SPTBN4: variants seen among roughly 807,000 people sequenced by gnomAD.
SPTBN4 encodes spectrin beta, non-erythrocytic 4.
In SPTBN4, 96 loss-of-function variants were observed where a neutral mutation model predicts 277.8. That is an observed-to-expected ratio of 0.35 (90% CI 0.29 to 0.41). The LOEUF is 0.41. Ranked by LOEUF, SPTBN4 falls within the 10% of genes least tolerant of loss-of-function variation. The pLI is 1.00. For synonymous variants in SPTBN4, 1,481 were observed against 1,580.3 expected, an observed-to-expected ratio of 0.94 and a Z score of 1.49; for missense variants, 3,006 against 3,595.7, an observed-to-expected ratio of 0.84 and a Z score of 4.19.
intron 17 of SPTBN4, among the ~76,000 whole-genome samples, chr19:40,524,068 C>T (rs546250885): frequency 2.0e-5 from 3 of 152,176 alleles, no homozygotes; most frequent in Admixed American, 6.5e-5. Flanking sequence ...CTGTGATTAG[C>T]GGCATGAGCC....
At position 40,494,927 on chromosome 19, in the gene SPTBN4, C is replaced by T; in HGVS notation, c.618C>T (p.Thr206=). Residue 206 remains threonine, a synonymous_variant, in exon 6 of 36, where the codon ACC becomes ACT. Coordinates refer to ENST00000598249, the MANE Select transcript of SPTBN4 (RefSeq NM_020971.3). The part of the protein sequence containing the change: ...GYPEVNIQNF[T]TSWRDGLAFN... ...CTGAGGTAAACATCCAGAATTTCAC[C>T]ACCAGCTGGCGGGATGGCTTGGCCT... 1 of 1,614,142 alleles carries T rather than the reference C, an allele frequency of 6.2e-7. No individual in the cohort carries two copies. The highest frequency in any genetic ancestry group is 8.5e-7 in the Non-Finnish European group (1 of 1,180,004).
At chr19:40,469,854 G>C (rs1253437482) in intron 1 of SPTBN4, among the ~76,000 whole-genome samples, 1 of 151,814 alleles carries the variant, frequency 6.6e-6, no homozygotes, top group Non-Finnish European at 1.5e-5. Context: ...ATGTTGGCCA[G>C]GCTGGTCTGG....
intron 1 of SPTBN4, among the ~76,000 whole-genome samples, chr19:40,469,567 GTCTT>G (rs2079862186): frequency 6.6e-6 from 1 of 151,336 alleles, no homozygotes; most frequent in Non-Finnish European, 1.5e-5. Flanking sequence ...CCAGCCGTTA[GTCTT>G]AGAATCAGGC....
chr19:40,485,010 T>G (rs2080055950), intron 2 of SPTBN4, among the ~76,000 whole-genome samples: 1 of 151,892 alleles, frequency 6.6e-6, no homozygotes, highest in Non-Finnish European at 1.5e-5. Context: ...TGCCCGCTAA[T>G]TTTTGTTTTT....
intron 15 of SPTBN4, among the ~76,000 whole-genome samples, chr19:40,516,034 CAT>C (rs1163740036): frequency 7.0e-6 from 1 of 142,270 alleles, no homozygotes; most frequent in Non-Finnish European, 1.5e-5. Flanking sequence ...TATATATACA[CAT>C]ATATATGTAT....
intron 17 of SPTBN4, chr19:40,524,634 G>T (rs1193743981): frequency 4.4e-6 from 2 of 455,844 alleles, no homozygotes; most frequent in Non-Finnish European, 8.8e-6. Flanking sequence ...GCACAGGTGT[G>T]TTCCAGCTTT....
rs2080451299 is a variant in SPTBN4 at position 40,515,940 on chromosome 19, T to TATACAC, written c.2903+493_2903+494insTACACA. ...ACACACATATATATACACACATATA[T>TATACAC]ACGTATATATACACATATATACGTA... On this transcript the variant is annotated intron_variant, in intron 15 of 35. Coordinates refer to ENST00000598249, the MANE Select transcript of SPTBN4 (RefSeq NM_020971.3). The surrounding 1 kb of genome is among the most constrained non-coding windows in gnomAD (Gnocchi z 4.1). Among the ~76,000 whole-genome samples, 2 of 72,900 alleles carry TATACAC rather than the reference T, an allele frequency of 2.7e-5. No individual in the cohort carries two copies. The highest frequency in any genetic ancestry group is 6.1e-5 in the Non-Finnish European group (2 of 32,698). The allele number at this position is 72,900 out of a possible 152,430, so 47.8% of individuals were successfully genotyped here.
intron 35 of SPTBN4, among the ~76,000 whole-genome samples, chr19:40,573,897 C>G (rs1001506583): frequency 6.6e-6 from 1 of 151,948 alleles, no homozygotes; most frequent in African/African-American, 2.4e-5. Context: ...GTCAGGAGAT[C>G]GAGACCATCC....
In SPTBN4 at chr19:40,534,267, A is replaced by C. The variant is rs1328479363; in HGVS notation, c.4283A>C (p.His1428Pro). Residue 1428 changes from histidine to proline, a missense_variant, in exon 20 of 36, where the codon CAC (histidine) becomes CCC (proline). Transcript: ENST00000598249. ...GCTGAGCTGGACAAGAAGCTCCTTC[A>C]CATGGAGAGCCAGCTGCAAGACGTG... ...SFAELDKKLLHMESQLQDVDP... is the reference protein window; with the variant it reads ...SFAELDKKLLPMESQLQDVDP... 6.2e-7 allele frequency: 1 copy of C among 1,614,160 alleles called. No homozygotes were observed. The highest frequency in any genetic ancestry group is 1.7e-5 in the Admixed American group (1 of 60,026).
chr19:40,565,081 A>G lies in SPTBN4; in HGVS notation c.5916-342A>G, dbSNP rs923352276. Among the ~76,000 whole-genome samples the G allele has an allele frequency of 1.1e-4, 16 of 151,682 alleles. No individual in the cohort carries two copies. In the South Asian group the frequency reaches 3.1e-3, roughly 30 times the overall value. ...GGAGTTCAAGACCAGCCTGGCCAAC[A>G]TGGAGAAACCCCATCTCTACTAAAA... On this transcript the variant is annotated intron_variant, in intron 27 of 35. Transcript: ENST00000598249.
intron 2 of SPTBN4, among the ~76,000 whole-genome samples, chr19:40,480,787 G>A (rs118168811): frequency 0.05 from 7,554 of 152,232 alleles, 238 homozygotes; most frequent in South Asian, 0.15. Context: ...GTTGGGCCAG[G>A]TGTGGTGGCT....
intron 27 of SPTBN4, among the ~76,000 whole-genome samples, chr19:40,562,015 G>C (rs753203669): frequency 4.6e-5 from 7 of 152,036 alleles, no homozygotes; most frequent in Admixed American, 6.6e-5. Flanking sequence ...CAAGTGCAAG[G>C]GCCCAGAAGT....
Position 40,504,003 on chromosome 19 carries a change from C to T in SPTBN4, c.1536C>T (p.Ser512=), listed in dbSNP as rs368272656. Residue 512 remains serine, a synonymous_variant, in exon 12 of 36, where the codon AGC becomes AGT. Coordinates refer to ENST00000598249, the MANE Select transcript of SPTBN4 (RefSeq NM_020971.3). ...DIRRVAAQRD[S]VLRQWALLTG... is the part of the protein sequence containing the mutation. The stretch of plus-strand genomic sequence containing the variant: ...GGCGGGTGGCAGCCCAGCGTGACAG[C>T]GTCCTGCGCCAGTGGGCCCTGCTAA... 9 of 1,613,856 alleles carry T rather than the reference C, an allele frequency of 5.6e-6. No individual in the cohort carries two copies. The highest frequency in any genetic ancestry group is 3.3e-5 in the Admixed American group (2 of 59,998).
At chr19:40,524,523 T>A (rs769774247) in intron 17 of SPTBN4, 3 of 445,850 alleles carry the variant, frequency 6.7e-6, no homozygotes, top group Admixed American at 4.9e-5. Flanking sequence ...AAAAAAAAAA[T>A]GTGTTAACTT....
chr19:40,525,834 C>A (rs192354932), intron 17 of SPTBN4, among the ~76,000 whole-genome samples: 6 of 152,272 alleles, frequency 3.9e-5, no homozygotes, highest in Admixed American at 2.6e-4. Flanking sequence ...GACGTGCAGC[C>A]GCTGTGGGAG....
At chr19:40,542,749 T>A (rs1599786215) in intron 20 of SPTBN4, among the ~76,000 whole-genome samples, 1 of 152,022 alleles carries the variant, frequency 6.6e-6, no homozygotes, top group East Asian at 1.9e-4. Context: ...GTCCCAGTCC[T>A]TGCCTTATTG....
In SPTBN4 at chr19:40,513,533, A is replaced by G. The variant is rs569924772; in HGVS notation, c.2744A>G (p.Asp915Gly). 2 of 1,584,860 alleles carry G rather than the reference A, an allele frequency of 1.3e-6. No homozygotes were observed. The highest frequency in any genetic ancestry group is 2.7e-5 in the African/African-American group (2 of 74,554). ...ATGCGTGTGCCGGATTCACTCGACGACGTCGAGGTGGTGCAGCACCGGTGA... is the reference window on the plus strand; with the variant it reads ...ATGCGTGTGCCGGATTCACTCGACGGCGTCGAGGTGGTGCAGCACCGGTGA... Reference protein sequence around the residue: ...LSMRVPDSLDDVEVVQHRFES... With the variant: ...LSMRVPDSLDGVEVVQHRFES... Residue 915 changes from aspartate to glycine, a missense_variant, in exon 14 of 36, where the codon GAC becomes GGC. Coordinates refer to ENST00000598249, the MANE Select transcript of SPTBN4 (RefSeq NM_020971.3).
chr19:40,561,989 T>TA (rs1415671845), intron 27 of SPTBN4, among the ~76,000 whole-genome samples: 1 of 152,094 alleles, frequency 6.6e-6, no homozygotes, highest in African/African-American at 2.4e-5. Context: ...AAGAGTTTTC[T>TA]AGGTGGAGGG....
At position 40,554,816 on chromosome 19, in the gene SPTBN4, C is replaced by A; in HGVS notation, c.5084+170C>A. ...GGCGGGCCGGAATGGGGGGACACGG[C>A]TCAGGGATGGTTGAGAGGGTGGGGC... On this transcript the variant is annotated intron_variant, in intron 24 of 35. Coordinates refer to ENST00000598249, the MANE Select transcript of SPTBN4 (RefSeq NM_020971.3). The surrounding 1 kb of genome is among the most constrained non-coding windows in gnomAD (Gnocchi z 5.7). 9.9e-7 allele frequency: 1 copy of A among 1,007,680 alleles called. No individual in the cohort carries two copies. The highest frequency in any genetic ancestry group is 1.5e-6 in the Non-Finnish European group (1 of 686,808). The allele number at this position is 1,007,680 out of a possible 1,614,324, so 62.4% of individuals were successfully genotyped here.
Sources: gnomAD v4.1 joint callset for allele counts (sites outside exome capture counted in the v4.1 genomes callset) on GRCh38, gnomAD v4.1.1 for gene constraint, Gnocchi (gnomAD v3.1) non-coding constraint, MANE v1.5 for transcripts, NCBI Gene and HGNC (gene_info 2026-07-23, HGNC 2026-07-21) for gene names.